Variants in ICA1L observed in about 807,000 individuals in gnomAD.
ICA1L encodes the protein islet cell autoantigen 1 like.
In ICA1L, 50 loss-of-function variants were observed where a neutral mutation model predicts 61.3. That is an observed-to-expected ratio of 0.82 (90% CI 0.65 to 1.03). The LOEUF is 1.03. Among genes scored for constraint, ICA1L ranks in the 50% least tolerant of loss-of-function variants. The pLI, the probability that ICA1L is intolerant of heterozygous loss-of-function variation, is 0.00. For missense variants in ICA1L, 508 were observed against 556.7 expected (o/e 0.91, Z 0.88); for synonymous variants, 161 against 191.3 (o/e 0.84, Z 1.31).
At chr2:202,820,076 T>C in intron 4 of ICA1L, 177 bp from the exon 5 acceptor site, 1 of 600,806 alleles carries the variant, frequency 1.7e-6, no homozygotes, top group Middle Eastern at 4.5e-4. Flanking sequence ...CTCTGAATTA[T>C]CAATAAAGAT....
intron 11 of ICA1L, 121 bp from the exon 12 acceptor site, chr2:202,786,128 G>T: frequency 1.7e-6 from 1 of 582,048 alleles, no homozygotes; most frequent in Non-Finnish European, 3.0e-6. Context: ...GATTCTATAA[G>T]AGGTATAAAA....
At chr2:202,860,671 G>C (rs561897164) in intron 1 of ICA1L, among the ~76,000 whole-genome samples, 1 of 151,854 alleles carries the variant, frequency 6.6e-6, no homozygotes, top group East Asian at 2.0e-4. Flanking sequence ...AGAATTGCTT[G>C]AACCCGGGAC....
Position 202,789,051 on chromosome 2 carries a change from T to C in ICA1L, c.1022A>G (p.Glu341Gly). 6.2e-7 allele frequency: 1 copy of C among 1,612,856 alleles called. No homozygotes were observed. Among genetic ancestry groups the C allele is most frequent in the Non-Finnish European group, 8.5e-7 (1 of 1,179,278 alleles). Residue 341 changes from glutamate (E) to glycine (G), a missense_variant, in exon 11 of 13, where the codon GAA becomes GGA. Physicochemically the swap from Glu to Gly is moderately conservative, Grantham distance 98. Coordinates refer to ENST00000358299, the MANE Select transcript of ICA1L (RefSeq NM_001288622.3). Reference protein sequence around the residue: ...KDLPVDSLEGEDFEKEFSFLN... With the variant: ...KDLPVDSLEGGDFEKEFSFLN... The stretch of plus-strand genomic sequence containing the variant: ...AAATGAGAATTCCTTCTCAAAATCT[T>C]CTCCTTCCAATGAATCTACAGGTAG...
In ICA1L at chr2:202,774,209, G is replaced by A; in HGVS notation, c.*5324C>T. 1 of 1,550,654 alleles carries A rather than the reference G, an allele frequency of 6.4e-7. No homozygotes were observed. The highest frequency in any genetic ancestry group is 8.7e-7 in the Non-Finnish European group (1 of 1,146,496). On this transcript the variant is annotated 3_prime_UTR_variant, in exon 13 of 13. Coordinates refer to ENST00000358299, the MANE Select transcript of ICA1L (RefSeq NM_001288622.3). ...GCACACCAGGAACTCCAGCAGCGCC[G>A]GATCGAAGGCGCGGGGCGGCTCCTG...
In ICA1L at chr2:202,774,016, AATTATGAACTAGC is replaced by A; in HGVS notation, c.*5504_*5516del. 1 of 877,686 alleles carries A rather than the reference AATTATGAACTAGC, an allele frequency of 1.1e-6. No homozygotes were observed. The highest frequency in any genetic ancestry group is 2.7e-5 in the Admixed American group (1 of 37,712). The allele number at this position is 877,686 out of a possible 1,614,324, so 54.4% of individuals were successfully genotyped here. The stretch of plus-strand genomic sequence containing the variant: ...AAGAGTTGGCTGTTTTATTTTTTTA[AATTATGAACTAGC>A]GCTGCTCCACTTCTTGCTTCTTTGA... On this transcript the variant is annotated 3_prime_UTR_variant, in exon 13 of 13. Transcript: ENST00000358299.
chr2:202,818,325 G>A (rs1326394549), intron 5 of ICA1L, among the ~76,000 whole-genome samples: 6 of 152,074 alleles, frequency 3.9e-5, no homozygotes, highest in Non-Finnish European at 8.8e-5. Flanking sequence ...CCAGAACTAG[G>A]GACAAGCAAG....
At chr2:202,850,905 G>T (rs13431889) in intron 1 of ICA1L, among the ~76,000 whole-genome samples, 133,680 of 152,140 alleles carry the variant, frequency 0.88, 59,618 homozygotes, top group Non-Finnish European at 0.95. Context: ...TCAGGTTACC[G>T]ACAAAGGGAA....
intron 1 of ICA1L, chr2:202,860,223 G>C (rs538175010): frequency 6.6e-6 from 1 of 150,704 alleles, no homozygotes; most frequent in Non-Finnish European, 1.5e-5. Flanking sequence ...AGTAAACTAC[G>C]ATCATGCCAC....
intron 1 of ICA1L, among the ~76,000 whole-genome samples, chr2:202,864,513 G>A (rs966131917): frequency 1.3e-5 from 2 of 151,994 alleles, no homozygotes; most frequent in Admixed American, 6.6e-5. Context: ...GATTACAGGC[G>A]CCTACAGACC....
chr2:202,804,290 A>C lies in ICA1L; in HGVS notation c.911-7326T>G, dbSNP rs1192638643. Among the ~76,000 whole-genome samples, 3 of 152,324 alleles carry C rather than the reference A, an allele frequency of 2.0e-5. No individual in the cohort carries two copies. The East Asian group carries it at 5.8e-4, about 29-fold the overall frequency. Reference sequence around the variant, plus strand: ...CCAATCGGGTTCAGTTTAGATTGTGAGGTCTGGCTCCAGCCAATGGAGACA... The same window carrying C: ...CCAATCGGGTTCAGTTTAGATTGTGCGGTCTGGCTCCAGCCAATGGAGACA... On this transcript the variant is annotated intron_variant, in intron 9 of 12. Transcript: ENST00000358299.
At chr2:202,804,265 C>T (rs1394232535) in intron 9 of ICA1L, among the ~76,000 whole-genome samples, 1 of 152,164 alleles carries the variant, frequency 6.6e-6, no homozygotes, top group Non-Finnish European at 1.5e-5. Flanking sequence ...AAACCGTTAG[C>T]CAATCGGGTT....
intron 3 of ICA1L, among the ~76,000 whole-genome samples, chr2:202,822,233 C>T (rs910769319): frequency 6.6e-6 from 1 of 152,138 alleles, no homozygotes; most frequent in African/African-American, 2.4e-5. Context: ...TTGATCATAG[C>T]TCACTGCAAC....
chr2:202,811,869 G>T (rs1693389201), intron 8 of ICA1L, 80 bp from the exon 9 acceptor site: 2 of 1,025,390 alleles, frequency 2.0e-6, no homozygotes, highest in Non-Finnish European at 1.5e-6. Flanking sequence ...GTTTTATATG[G>T]TTAAAAAAAT....
At chr2:202,826,186 C>G (rs573466981) in intron 2 of ICA1L, among the ~76,000 whole-genome samples, 115 of 152,138 alleles carry the variant, frequency 7.6e-4, no homozygotes, top group Middle Eastern at 3.4e-3. Context: ...CTAAACAAAA[C>G]AGATTAGTGA....
At position 202,803,246 on chromosome 2, in the gene ICA1L, A is replaced by G. The variant is rs552725534; in HGVS notation, c.911-6282T>C. 1.2e-4 allele frequency among the ~76,000 whole-genome samples: 18 copies of G among 151,862 alleles called. 1 individual carries two copies. The East Asian group carries it at 3.3e-3, about 28-fold the overall frequency. ...AACATGGCCAGACCCCATCACTACT[A>G]AAAAATTAGCTGGGTGTGGTGGTGG... On this transcript the variant is annotated intron_variant, in intron 9 of 12. Transcript: ENST00000358299.
chr2:202,810,726 A>C (rs1418255100), intron 9 of ICA1L, among the ~76,000 whole-genome samples: 3 of 152,174 alleles, frequency 2.0e-5, no homozygotes, highest in Non-Finnish European at 4.4e-5. Flanking sequence ...AAATAGGAGA[A>C]ATATCGCTGG....
intron 9 of ICA1L, among the ~76,000 whole-genome samples, chr2:202,806,637 A>G (rs1332990724): frequency 1.3e-5 from 2 of 150,648 alleles, no homozygotes; most frequent in Admixed American, 1.3e-4. Flanking sequence ...CAGGAGTGAG[A>G]CTCTGTCTCA....
At chr2:202,791,896 G>C (rs373529676) in intron 10 of ICA1L, among the ~76,000 whole-genome samples, 1 of 148,646 alleles carries the variant, frequency 6.7e-6, no homozygotes, top group Non-Finnish European at 1.5e-5. Context: ...TACCAGGCAC[G>C]GTGGCTCATG....
chr2:202,848,159 C>T (rs1694518593), intron 1 of ICA1L, among the ~76,000 whole-genome samples: 1 of 152,104 alleles, frequency 6.6e-6, no homozygotes, highest in African/African-American at 2.4e-5. Flanking sequence ...GATGGGGTTT[C>T]GCCATGTTGG....
Sources: allele counts gnomAD v4.1 joint callset (sites outside exome capture counted in the v4.1 genomes callset), GRCh38; gene constraint gnomAD v4.1.1; transcripts MANE v1.5; gene names NCBI Gene and HGNC (gene_info 2026-07-23, HGNC 2026-07-21).